NBL1: variants seen among roughly 807,000 people sequenced by gnomAD.
The protein encoded by NBL1 is neuroblastoma suppressor of tumorigenicity 1.
In NBL1, 9 loss-of-function variants were observed where a neutral mutation model predicts 16.0. That is an observed-to-expected ratio of 0.56 (90% CI 0.34 to 0.98). The LOEUF (loss-of-function observed/expected upper bound fraction) is 0.98. NBL1 is among the 50% of genes least tolerant of loss of function. The pLI is 0.02. For missense variants in NBL1, 196 were observed against 243.1 expected, an observed-to-expected ratio of 0.81 and a Z score of 1.29; for synonymous variants, 86 against 100.7, an observed-to-expected ratio of 0.85 and a Z score of 0.87.
chr1:19,643,928 C>A, upstream of NBL1: 1 of 986,318 alleles, frequency 1.0e-6, no homozygotes, highest in Middle Eastern at 5.2e-4. This position sits in a 1 kb window ranked among gnomAD's most constrained non-coding sequence, Gnocchi z 4.7. Context: ...ACCCCGAGGC[C>A]TGGCACGGCC....
upstream of NBL1, chr1:19,644,028 G>A: frequency 2.0e-6 from 2 of 983,696 alleles, no homozygotes; most frequent in South Asian, 9.4e-5. The surrounding 1 kb of genome is among the most constrained non-coding windows in gnomAD (Gnocchi z 4.6). Context: ...CAGGGCGCCC[G>A]GCTGGGCTGC....
chr1:19,644,550 CGGCG>C lies in NBL1; in HGVS notation c.-20+106_-20+109del. The C allele has an allele frequency of 1.5e-6, 1 of 675,882 alleles. No homozygotes were observed. The highest frequency in any genetic ancestry group is 1.8e-6 in the Non-Finnish European group (1 of 550,388). The allele number at this position is 675,882 out of a possible 1,614,324, so 41.9% of individuals were successfully genotyped here. On this transcript the variant is annotated intron_variant, in intron 1 of 3. Coordinates refer to ENST00000375136, the MANE Select transcript of NBL1 (RefSeq NM_005380.8). This position sits in a 1 kb window ranked among gnomAD's most constrained non-coding sequence, Gnocchi z 4.6. ...CCGGAGCTGCGTCCCCCGGCGCGTC[CGGCG>C]GCCGCGGGCACCGGGTGGAGGCGCC...
chr1:19,647,694 C>T, intron 1 of NBL1: 1 of 985,012 alleles, frequency 1.0e-6, no homozygotes, highest in Non-Finnish European at 1.2e-6. Flanking sequence ...TCTCCATCAG[C>T]TGGGGCCAAG....
In NBL1 at chr1:19,648,523, G is replaced by T. The variant is rs144673479; in HGVS notation, c.-20+4077G>T. ...GACCCCGGAGCTGGCCTTCCTGGGG[G>T]ACCCTCTGGACCAAGACTTTCAGGA... On this transcript the variant is annotated intron_variant, in intron 1 of 3. Coordinates refer to ENST00000375136, the MANE Select transcript of NBL1 (RefSeq NM_005380.8). Among the ~76,000 whole-genome samples, 1,042 of 152,354 alleles carry T rather than the reference G, an allele frequency of 6.8e-3. 8 individuals carry two copies. The highest frequency in any genetic ancestry group is 0.024 in the African/African-American group (990 of 41,594).
intron 1 of NBL1, among the ~76,000 whole-genome samples, chr1:19,645,166 G>A (rs1274784284): frequency 6.6e-6 from 1 of 152,136 alleles, no homozygotes; most frequent in Non-Finnish European, 1.5e-5. Flanking sequence ...TTCCTAGACC[G>A]GGTGCGGCAA....
chr1:19,647,546 G>A (rs114669249), intron 1 of NBL1: 11 of 936,544 alleles, frequency 1.2e-5, no homozygotes, highest in African/African-American at 5.3e-5. Flanking sequence ...TAGTGAGTGT[G>A]GGGGGAGAGG....
At chr1:19,644,220 C>T, upstream of NBL1, 5 of 977,214 alleles carry the variant, frequency 5.1e-6, no homozygotes, top group Non-Finnish European at 6.1e-6. The surrounding 1 kb of genome is among the most constrained non-coding windows in gnomAD (Gnocchi z 4.6). Flanking sequence ...TGCGCGCGGC[C>T]CTCCCCGCTG....
chr1:19,647,253 G>A (rs2094986315), intron 1 of NBL1, among the ~76,000 whole-genome samples: 1 of 152,026 alleles, frequency 6.6e-6, no homozygotes, highest in Non-Finnish European at 1.5e-5. Flanking sequence ...GGGAGACCTT[G>A]TCTCTTCAAA....
Position 19,657,188 on chromosome 1 carries a change from T to C in NBL1, c.*59T>C. 2 of 793,250 alleles carry C rather than the reference T, an allele frequency of 2.5e-6. No homozygotes were observed. The highest frequency in any genetic ancestry group is 2.7e-5 in the East Asian group (1 of 36,994). 49.1% of individuals were successfully genotyped at this position (793,250 alleles called of 1,614,324 possible). A position where few individuals can be genotyped will look rare whatever the true frequency, so the allele number is the denominator to read the frequency against. On this transcript the variant is annotated 3_prime_UTR_variant, in exon 4 of 4. Transcript: ENST00000375136. ...CTGTGGAATGTTGGGTCTCACTCTC[T>C]GGGGAAGTCAGGGGAGAAGCTGAAG...
At chr1:19,643,390 G>A (rs2094959759), upstream of NBL1, 1 of 1,613,754 alleles carries the variant, frequency 6.2e-7, no homozygotes, top group East Asian at 2.2e-5. The surrounding 1 kb of genome is among the most constrained non-coding windows in gnomAD (Gnocchi z 4.7). Flanking sequence ...TAAAACACAT[G>A]GACACAGGTA....
chr1:19,645,794 GGT>G, intron 1 of NBL1: 1 of 1,432,672 alleles, frequency 7.0e-7, no homozygotes, highest in Middle Eastern at 1.9e-4. Context: ...CAGGGGAGTA[GGT>G]GTTCTGCATC....
At position 19,644,324 on chromosome 1, in the gene NBL1, A is replaced by G; in HGVS notation, c.-142A>G. On this transcript the variant is annotated 5_prime_UTR_variant, in exon 1 of 4. Coordinates refer to ENST00000375136, the MANE Select transcript of NBL1 (RefSeq NM_005380.8). This position sits in a 1 kb window ranked among gnomAD's most constrained non-coding sequence, Gnocchi z 4.6. ...CCGCCCGGGGCCGCAGACAGCGCGC[A>G]GCGCAGCCCAGCCGAGCGTCGCGGG... The G allele has an allele frequency of 4.1e-6, 4 of 978,230 alleles. No homozygotes were observed. Among genetic ancestry groups the G allele is most frequent in the Non-Finnish European group, 4.8e-6 (4 of 827,112 alleles). The allele number at this position is 978,230 out of a possible 1,614,324, so 60.6% of individuals were successfully genotyped here.
intron 1 of NBL1, among the ~76,000 whole-genome samples, chr1:19,652,693 G>A (rs529260960): frequency 6.6e-6 from 1 of 152,246 alleles, no homozygotes; most frequent in Non-Finnish European, 1.5e-5. Context: ...ACTTTATAAA[G>A]TACTTGGCTC....
upstream of NBL1, chr1:19,643,920 C>A (rs1014183974): frequency 3.0e-6 from 3 of 986,378 alleles, no homozygotes; most frequent in African/African-American, 5.2e-5. The surrounding 1 kb of genome is among the most constrained non-coding windows in gnomAD (Gnocchi z 4.7). Context: ...TCTTTGTCAC[C>A]CCGAGGCCTG....
Position 19,658,366 on chromosome 1 carries a change from T to TG in NBL1, c.*1238dup, listed in dbSNP as rs1463355130. 4 of 152,598 alleles carry TG rather than the reference T, an allele frequency of 2.6e-5. No homozygotes were observed. The highest frequency in any genetic ancestry group is 3.9e-4 in the East Asian group (2 of 5,152). The allele number at this position is 152,598 out of a possible 1,614,324, so 9.5% of individuals were successfully genotyped here. ...GGGGTGGCCTGGCCCTCCTGGCTGT[T>TG]GCGACGCGGGCTTCTGGAGCTTGTC... On this transcript the variant is annotated 3_prime_UTR_variant, in exon 4 of 4. Transcript: ENST00000375136.
chr1:19,646,063 G>T lies in NBL1; in HGVS notation c.-20+1617G>T, dbSNP rs758669412. On this transcript the variant is annotated intron_variant, in intron 1 of 3. Transcript: ENST00000375136. ...GGAGGGCCGTGGCCTGGGTTTGGGG[G>T]CTGGCACAGAGGTGGTCAGGGCTGG... 5.2e-6 allele frequency: 8 copies of T among 1,549,930 alleles called. No homozygotes were observed. In the South Asian group the frequency reaches 8.3e-5, roughly 16 times the overall value.
intron 1 of NBL1, among the ~76,000 whole-genome samples, chr1:19,650,920 C>CTGGATGACAG (rs2095020866): frequency 1.3e-5 from 2 of 152,164 alleles, no homozygotes; most frequent in African/African-American, 4.8e-5. Context: ...GGATGACAGC[C>CTGGATGACAG]GTGTGTGGGA....
At position 19,655,181 on chromosome 1, in the gene NBL1, G is replaced by T; in HGVS notation, c.151G>T (p.Ala51Ser). Residue 51 changes from alanine to serine, a missense_variant, in exon 2 of 4, where the codon GCC becomes TCC. By Grantham distance (99) the Ala-to-Ser change is moderately conservative. Coordinates refer to ENST00000375136, the MANE Select transcript of NBL1 (RefSeq NM_005380.8). Reference protein sequence around the residue: ...TQIVGHSGCEAKSIQNRACLG... With the variant: ...TQIVGHSGCESKSIQNRACLG... ...GATCGTGGGCCACAGCGGCTGTGAG[G>T]CCAAGTCCATCCAGAACAGGTGGGA... 6.2e-7 allele frequency: 1 copy of T among 1,608,548 alleles called. No homozygotes were observed. Among genetic ancestry groups the T allele is most frequent in the Non-Finnish European group, 8.5e-7 (1 of 1,177,618 alleles).
At chr1:19,644,148 C>G, upstream of NBL1, 1 of 979,870 alleles carries the variant, frequency 1.0e-6, no homozygotes, top group Non-Finnish European at 1.2e-6. The surrounding 1 kb of genome is among the most constrained non-coding windows in gnomAD (Gnocchi z 4.6). Context: ...GGGCCCCTGC[C>G]GCCGCGGCGC....
Sources: allele counts gnomAD v4.1 joint callset (sites outside exome capture counted in the v4.1 genomes callset), GRCh38; gene constraint gnomAD v4.1.1; non-coding constraint Gnocchi (gnomAD v3.1); transcripts MANE v1.5; gene names NCBI Gene and HGNC (gene_info 2026-07-23, HGNC 2026-07-21).